Variants in DPYD observed in about 807,000 individuals in gnomAD.
DPYD encodes dihydropyrimidine dehydrogenase.
A neutral mutation model predicts 116.2 loss-of-function variants in DPYD; 109 were observed. The ratio of observed to expected loss-of-function variants is 0.94; its 90% confidence interval spans 0.80 to 1.10. The LOEUF (loss-of-function observed/expected upper bound fraction) is 1.10. Among genes scored for constraint, DPYD ranks in the 50% least tolerant of loss-of-function variants. The probability of loss-of-function intolerance (pLI) is 0.00; values close to 1 mark genes in which losing one functional copy is unlikely to be tolerated. For synonymous variants in DPYD, 440 were observed against 432.0 expected (o/e 1.02, Z -0.23); for missense variants, 1,302 against 1,254.5 (o/e 1.04, Z -0.57).
chr1:97,243,932 T>C (rs778901040), intron 18 of DPYD, among the ~76,000 whole-genome samples: 3 of 151,882 alleles, frequency 2.0e-5, no homozygotes, highest in Non-Finnish European at 2.9e-5. Context: ...CCAAGAATAA[T>C]AGGACAAAGA....
chr1:97,708,228 C>T (rs953417117), intron 5 of DPYD, among the ~76,000 whole-genome samples: 1 of 152,054 alleles, frequency 6.6e-6, no homozygotes, highest in Non-Finnish European at 1.5e-5. Context: ...CATTGTCTAA[C>T]CGAAGGTCAT....
At chr1:97,731,726 G>A (rs1663623504) in intron 4 of DPYD, among the ~76,000 whole-genome samples, 1 of 151,628 alleles carries the variant, frequency 6.6e-6, no homozygotes, top group Non-Finnish European at 1.5e-5. Context: ...TTTTCTTTTG[G>A]TCTATATTCT....
intron 8 of DPYD, among the ~76,000 whole-genome samples, chr1:97,676,324 G>A (rs1386575335): frequency 6.6e-6 from 1 of 152,114 alleles, no homozygotes; most frequent in Non-Finnish European, 1.5e-5. Context: ...TCAGGTAACA[G>A]ACAATGAGAT....
chr1:97,679,534 A>G (rs531602494), intron 7 of DPYD, among the ~76,000 whole-genome samples: 3 of 152,276 alleles, frequency 2.0e-5, no homozygotes, highest in Admixed American at 1.3e-4. Context: ...AAGTAGGGGC[A>G]AAAGATATAC....
At chr1:97,911,755 A>G (rs1673948874) in intron 1 of DPYD, among the ~76,000 whole-genome samples, 1 of 152,010 alleles carries the variant, frequency 6.6e-6, no homozygotes, top group Non-Finnish European at 1.5e-5. Context: ...GGATAATATA[A>G]AAGTTTCCAT....
At chr1:97,230,817 C>A (rs1359613811) in intron 19 of DPYD, among the ~76,000 whole-genome samples, 1 of 152,016 alleles carries the variant, frequency 6.6e-6, no homozygotes, top group Non-Finnish European at 1.5e-5. Context: ...TTAGTTTCTT[C>A]TGAAGAAGAA....
In DPYD at chr1:97,740,387, T is replaced by C; in HGVS notation, c.321+5A>G. The C allele has an allele frequency of 3.1e-6, 5 of 1,607,422 alleles. No homozygotes were observed. Among genetic ancestry groups the C allele is most frequent in the Non-Finnish European group, 4.3e-6 (5 of 1,174,332 alleles). On this transcript the variant is annotated splice_donor_5th_base_variant and intron_variant, in intron 4 of 22. Transcript: ENST00000370192. ...TTTCATTTGCAGAGTTAAATCTGAA[T>C]TTACCTTGTTTGCAATACTTGTGAT...
At chr1:97,654,439 C>A in intron 8 of DPYD, among the ~76,000 whole-genome samples, 1 of 151,900 alleles carries the variant, frequency 6.6e-6, no homozygotes, top group Non-Finnish European at 1.5e-5. Flanking sequence ...AGTGATTTCA[C>A]AAAAGATACA....
chr1:97,632,958 C>G (rs1473630736), intron 8 of DPYD, among the ~76,000 whole-genome samples: 1 of 152,042 alleles, frequency 6.6e-6, no homozygotes, highest in Non-Finnish European at 1.5e-5. Flanking sequence ...AATAAAATGT[C>G]CCTGGCTTCT....
intron 1 of DPYD, among the ~76,000 whole-genome samples, chr1:97,892,516 A>G (rs183584250): frequency 1.8e-4 from 28 of 151,904 alleles, no homozygotes; most frequent in Non-Finnish European, 2.4e-4. Context: ...GAGAGAATGC[A>G]GCTTTATTTT....
rs35229030 is a variant in DPYD, at chr1:97,785,681, C to CTTT, written c.233+42430_233+42432dup. On this transcript the variant is annotated intron_variant, in intron 3 of 22. Coordinates refer to ENST00000370192, the MANE Select transcript of DPYD (RefSeq NM_000110.4). ...CTTTTTTTCTTTTGGGCCACTGACTCTTTTTTTTTTTTTTTTTTTTTTTTT... is the reference window on the plus strand; with the variant it reads ...CTTTTTTTCTTTTGGGCCACTGACTCTTTTTTTTTTTTTTTTTTTTTTTTTTTT... Among the ~76,000 whole-genome samples, 71 of 62,554 alleles carry CTTT rather than the reference C, an allele frequency of 1.1e-3. 6 individuals are homozygous for CTTT. Among genetic ancestry groups the CTTT allele is most frequent in the African/African-American group, 2.1e-3 (30 of 14,188 alleles). The allele number at this position is 62,554 out of a possible 152,430, so 41.0% of individuals were successfully genotyped here.
Position 97,841,815 on chromosome 1 carries a change from TTTTG to T in DPYD, c.151-13623_151-13620del, listed in dbSNP as rs537094815. On this transcript the variant is annotated intron_variant, in intron 2 of 22. Transcript: ENST00000370192. ...TAACATACTCAACATTATGCTTATTTTTTGTTTGTTTTTATTATTAATTTTATTA... is the reference window on the plus strand; with the variant it reads ...TAACATACTCAACATTATGCTTATTTTTTGTTTTTATTATTAATTTTATTA... 1.1e-4 allele frequency among the ~76,000 whole-genome samples: 17 copies of T among 152,102 alleles called. No individual in the cohort carries two copies. The South Asian group carries it at 1.7e-3, about 15-fold the overall frequency.
At chr1:97,214,290 T>C (rs563599968) in intron 19 of DPYD, among the ~76,000 whole-genome samples, 2 of 152,318 alleles carry the variant, frequency 1.3e-5, no homozygotes, top group East Asian at 3.9e-4. Flanking sequence ...CTCACCTGTG[T>C]ACCACTCATA....
chr1:97,851,507 G>C (rs559961591), intron 2 of DPYD, among the ~76,000 whole-genome samples: 4 of 151,818 alleles, frequency 2.6e-5, no homozygotes, highest in Non-Finnish European at 5.9e-5. Flanking sequence ...GGAAATTCAA[G>C]AAAATATAGT....
chr1:97,121,123 G>A (rs1384922685), intron 20 of DPYD, among the ~76,000 whole-genome samples: 1 of 152,162 alleles, frequency 6.6e-6, no homozygotes, highest in Non-Finnish European at 1.5e-5. Context: ...ACAGGAGAAT[G>A]AGGTCAACTC....
chr1:97,430,461 T>A (rs1260615867), intron 14 of DPYD, among the ~76,000 whole-genome samples: 5 of 152,150 alleles, frequency 3.3e-5, no homozygotes, highest in Non-Finnish European at 5.9e-5. Context: ...TTATGGCATA[T>A]GTCCTTTATT....
intron 19 of DPYD, among the ~76,000 whole-genome samples, chr1:97,209,738 T>C (rs1307246278): frequency 6.6e-6 from 1 of 152,138 alleles, no homozygotes; most frequent in Non-Finnish European, 1.5e-5. Flanking sequence ...AATCCCATCA[T>C]TTTCCACATG....
At chr1:97,397,483 C>A (rs955237183) in intron 14 of DPYD, among the ~76,000 whole-genome samples, 3 of 151,878 alleles carry the variant, frequency 2.0e-5, no homozygotes, top group African/African-American at 7.3e-5. Flanking sequence ...AGAGTATTTT[C>A]ACTTTCCTAA....
At chr1:97,914,511 C>A (rs1674125761) in intron 1 of DPYD, among the ~76,000 whole-genome samples, 1 of 152,054 alleles carries the variant, frequency 6.6e-6, no homozygotes, top group African/African-American at 2.4e-5. Context: ...TATGCATTAG[C>A]CCTGATCTAG....
Sources: gnomAD v4.1 joint callset for allele counts (sites outside exome capture counted in the v4.1 genomes callset) on GRCh38, gnomAD v4.1.1 for gene constraint, MANE v1.5 for transcripts, NCBI Gene and HGNC (gene_info 2026-07-23, HGNC 2026-07-21) for gene names.